The following PRDM2 variants were observed in gnomAD, a reference collection of about 807,000 sequenced individuals.
PRDM2 encodes PR/SET domain 2.
PRDM2 carries 30 observed loss-of-function variants against 130.0 expected under a neutral mutation model. That is an observed-to-expected ratio of 0.23 (90% CI 0.17 to 0.31). The LOEUF (loss-of-function observed/expected upper bound fraction) is 0.31. Among genes scored for constraint, PRDM2 ranks in the 10% least tolerant of loss-of-function variants. The pLI, the probability that PRDM2 is intolerant of heterozygous loss-of-function variation, is 1.00. For synonymous variants in PRDM2, 871 were observed against 782.4 expected (o/e 1.11, Z -1.89); for missense variants, 2,011 against 2,108.4 (o/e 0.95, Z 0.90).
intron 6 of PRDM2, among the ~76,000 whole-genome samples, chr1:13,750,350 C>T (rs1312776340): frequency 1.3e-5 from 2 of 149,818 alleles, no homozygotes; most frequent in Non-Finnish European, 1.5e-5. Flanking sequence ...TGGTTAGTTT[C>T]TTATTGATAC....
rs1418853521 is a variant in PRDM2, at chr1:13,806,756, A to C, written c.5037-9671A>C. On this transcript the variant is annotated intron_variant, in intron 8 of 9. Coordinates refer to ENST00000311066, the MANE Select transcript of PRDM2 (RefSeq NM_001393986.1). This position sits in a 1 kb window ranked among gnomAD's most constrained non-coding sequence, Gnocchi z 4.1. ...ACCCACGGTCTGTGCCCAGCACAGC[A>C]GCCACTTTGGGTCATGATATTCCTC... Among the ~76,000 whole-genome samples, 1 of 152,168 alleles carries C rather than the reference A, an allele frequency of 6.6e-6. No individual in the cohort carries two copies. Among genetic ancestry groups the C allele is most frequent in the Non-Finnish European group, 1.5e-5 (1 of 68,032 alleles).
Position 13,770,370 on chromosome 1 carries a change from G to T in PRDM2, c.512-2708G>T, listed in dbSNP as rs774057349. 8.3e-5 allele frequency: 39 copies of T among 469,976 alleles called. No homozygotes were observed. In the East Asian group the frequency reaches 2.7e-3, roughly 32 times the overall value. 29.1% of individuals were successfully genotyped at this position (469,976 alleles called of 1,614,324 possible). A position where few individuals can be genotyped will look rare whatever the true frequency, so the allele number is the denominator to read the frequency against. On this transcript the variant is annotated intron_variant, in intron 6 of 9. Transcript: ENST00000311066. ...ATTTCATTTTGAGTGCATCTTAATG[G>T]TATTAAGATTGTACTTCCTTTTGTT...
chr1:13,798,732 T>C (rs2744692), intron 8 of PRDM2, among the ~76,000 whole-genome samples: 120,758 of 152,172 alleles, frequency 0.79, 48,813 homozygotes, highest in African/African-American at 0.95. Context: ...AGCTTGAATT[T>C]CATCTCCTGA....
At chr1:13,795,199 G>A (rs931989462) in intron 8 of PRDM2, among the ~76,000 whole-genome samples, 13 of 152,218 alleles carry the variant, frequency 8.5e-5, no homozygotes, top group South Asian at 6.2e-4. Flanking sequence ...AAATAACCTC[G>A]CTTTGCTGAA....
At chr1:13,812,851 G>C (rs1378813134) in intron 8 of PRDM2, among the ~76,000 whole-genome samples, 1 of 152,118 alleles carries the variant, frequency 6.6e-6, no homozygotes, top group African/African-American at 2.4e-5. Flanking sequence ...CTCAATCCTG[G>C]TCACCAAAAT....
At chr1:13,798,756 T>G (rs1159757003) in intron 8 of PRDM2, among the ~76,000 whole-genome samples, 1 of 152,160 alleles carries the variant, frequency 6.6e-6, no homozygotes, top group Non-Finnish European at 1.5e-5. Flanking sequence ...CTGACATCTC[T>G]TAAGGGGTGG....
rs749501544 is a variant in PRDM2, at chr1:13,780,603, T to C, written c.2808T>C (p.Pro936=). The change falls in exon 8 of 10, where the codon CCT becomes CCC. Residue 936 remains proline (P), a synonymous_variant. Transcript: ENST00000311066. ...GTCCGGGCTCTGGTTTCCCTGCCCC[T>C]ACTGTTGAGTCCACACCTGATGTTT... ...DLGPGSGFPA[P]TVESTPDVCP... 1 of 1,614,024 alleles carries C rather than the reference T, an allele frequency of 6.2e-7. No individual in the cohort carries two copies. Among genetic ancestry groups the C allele is most frequent in the East Asian group, 2.2e-5 (1 of 44,864 alleles).
Position 13,779,756 on chromosome 1 carries a change from C to G in PRDM2, c.1961C>G (p.Thr654Arg). Reference protein sequence around the residue: ...PPALPKIKAETDSDPMVPSCS... With the variant: ...PPALPKIKAERDSDPMVPSCS... ...GCACTGCCCAAAATTAAGGCCGAAA[C>G]AGACTCTGACCCCATGGTCCCCTCT... The change falls in exon 8 of 10, where the codon ACA becomes AGA. Residue 654 changes from threonine (T) to arginine (R), a missense_variant. Physicochemically the swap from Thr to Arg is moderately conservative, Grantham distance 71. This residue lies in a region of PRDM2 where 1,288 missense variants were observed against 1,237.7 expected (regional missense o/e 1.04). Transcript: ENST00000311066. This position sits in a 1 kb window ranked among gnomAD's most constrained non-coding sequence, Gnocchi z 4.9. 1.2e-6 allele frequency: 2 copies of G among 1,614,194 alleles called. No individual in the cohort carries two copies. The highest frequency in any genetic ancestry group is 2.2e-5 in the South Asian group (2 of 91,088).
chr1:13,734,113 C>T (rs745806428), intron 4 of PRDM2, among the ~76,000 whole-genome samples: 2 of 152,040 alleles, frequency 1.3e-5, no homozygotes, highest in East Asian at 1.9e-4. Flanking sequence ...TGACTATTAA[C>T]GGGGGGTGTC....
At chr1:13,792,616 G>T (rs1644857876) in intron 8 of PRDM2, among the ~76,000 whole-genome samples, 1 of 152,142 alleles carries the variant, frequency 6.6e-6, no homozygotes, top group Non-Finnish European at 1.5e-5. Flanking sequence ...CTCCTGTTGT[G>T]ATTCAGTCAG....
At chr1:13,767,160 T>C (rs1022121326) in intron 6 of PRDM2, among the ~76,000 whole-genome samples, 4 of 152,334 alleles carry the variant, frequency 2.6e-5, no homozygotes, top group South Asian at 2.1e-4. Context: ...TTTATTGATA[T>C]TACTCAGTGG....
intron 6 of PRDM2, chr1:13,769,015 C>A: frequency 2.1e-6 from 1 of 484,640 alleles, no homozygotes; most frequent in Non-Finnish European, 2.7e-6. Context: ...TTGATGTATT[C>A]ATTTCTTTTC....
chr1:13,742,479 G>A (rs776557848), intron 5 of PRDM2, among the ~76,000 whole-genome samples: 7 of 152,174 alleles, frequency 4.6e-5, no homozygotes, highest in Non-Finnish European at 8.8e-5. Flanking sequence ...TGGGATTACC[G>A]GCACAAGCCA....
Position 13,795,633 on chromosome 1 carries a change from G to T in PRDM2, c.5036+12802G>T, listed in dbSNP as rs534780684. Among the ~76,000 whole-genome samples the T allele has an allele frequency of 6.6e-5, 10 of 152,348 alleles. No individual in the cohort carries two copies. The South Asian group carries it at 2.1e-3, about 32-fold the overall frequency. On this transcript the variant is annotated intron_variant, in intron 8 of 9. Transcript: ENST00000311066. ...GAAGGAGCTGAAAACTGTGTTGCGGGTGAATGGATGTCTTTGTTCTTCCTG... is the reference window on the plus strand; with the variant it reads ...GAAGGAGCTGAAAACTGTGTTGCGGTTGAATGGATGTCTTTGTTCTTCCTG...
intron 6 of PRDM2, among the ~76,000 whole-genome samples, chr1:13,769,530 G>A (rs1474923965): frequency 6.6e-6 from 1 of 152,142 alleles, no homozygotes; most frequent in Non-Finnish European, 1.5e-5. Context: ...CAGGACAGGT[G>A]ATTTCAATAG....
intron 2 of PRDM2, 24 bp from the exon 3 acceptor site, chr1:13,730,976 A>T: frequency 5.5e-6 from 8 of 1,448,658 alleles, no homozygotes; most frequent in Non-Finnish European, 7.5e-6. Flanking sequence ...TTTTGCTGTG[A>T]TCCTTCCATT....
At chr1:13,801,145 C>T (rs942509294) in intron 8 of PRDM2, among the ~76,000 whole-genome samples, 11 of 152,278 alleles carry the variant, frequency 7.2e-5, no homozygotes, top group East Asian at 1.9e-4. Context: ...GGGGCATCGA[C>T]GTGAGCGAGG....
chr1:13,761,693 G>A (rs889325276), intron 6 of PRDM2, among the ~76,000 whole-genome samples: 11 of 152,030 alleles, frequency 7.2e-5, no homozygotes, highest in African/African-American at 2.2e-4. Context: ...TCTCCTCTCC[G>A]AAAGATTAAG....
At chr1:13,814,849 T>C (rs2235515) in intron 8 of PRDM2, among the ~76,000 whole-genome samples, 102,489 of 152,094 alleles carry the variant, frequency 0.67, 35,662 homozygotes, top group Middle Eastern at 0.78. Context: ...CCTACCTGCC[T>C]GGCCTCCCAC....
Sources: allele counts gnomAD v4.1 joint callset (sites outside exome capture counted in the v4.1 genomes callset), GRCh38; gene constraint gnomAD v4.1.1; regional missense constraint gnomAD v4.1.1; non-coding constraint Gnocchi (gnomAD v3.1); transcripts MANE v1.5; gene names NCBI Gene and HGNC (gene_info 2026-07-23, HGNC 2026-07-21).